Variants in LAMA2 observed in about 807,000 individuals in gnomAD.
The protein encoded by LAMA2 is laminin subunit alpha-2.
A neutral mutation model predicts 364.8 loss-of-function variants in LAMA2; 269 were observed. The ratio of observed to expected loss-of-function variants is 0.74; its 90% CI spans 0.67 to 0.82. The LOEUF is 0.82. Among genes scored for constraint, LAMA2 ranks in the 40% least tolerant of loss-of-function variants. LAMA2 has a pLI of 0.00. For missense variants in LAMA2, 3,807 were observed against 3,873.2 expected, an observed-to-expected ratio of 0.98 and a Z score of 0.45; for synonymous variants, 1,379 against 1,370.6, an observed-to-expected ratio of 1.01 and a Z score of -0.14.
intron 1 of LAMA2, among the ~76,000 whole-genome samples, chr6:129,025,512 T>C (rs971552192): frequency 6.6e-6 from 1 of 152,180 alleles, no homozygotes; most frequent in African/African-American, 2.4e-5. Context: ...GAGGCAACTT[T>C]TTCATCGATA....
In LAMA2 at chr6:129,178,964, C is replaced by T. The variant is rs564128890; in HGVS notation, c.1467+1098C>T. The stretch of plus-strand genomic sequence containing the variant: ...TTGAACTACTGAAATAATAAAACTC[C>T]TGTGGACACAGTAAGCAGAAAAGTC... On this transcript the variant is annotated intron_variant, in intron 10 of 64. Coordinates refer to ENST00000421865, the MANE Select transcript of LAMA2 (RefSeq NM_000426.4). Among the ~76,000 whole-genome samples the T allele has an allele frequency of 6.6e-5, 10 of 152,256 alleles. No homozygotes were observed. The East Asian group carries it at 1.9e-3, about 29-fold the overall frequency.
At chr6:129,091,730 A>G (rs557503526) in intron 3 of LAMA2, among the ~76,000 whole-genome samples, 2 of 152,342 alleles carry the variant, frequency 1.3e-5, no homozygotes, top group Admixed American at 1.3e-4. Context: ...TTCTAGGTTT[A>G]TTGAAGTAAA....
In LAMA2 at chr6:129,327,404, G is replaced by GA. The variant is rs4053204; in HGVS notation, c.4177-863dup. On this transcript the variant is annotated intron_variant, in intron 28 of 64. Transcript: ENST00000421865. Reference sequence around the variant, plus strand: ...ATCAATGGGCATAAGATTTTTAAGTGAAAAAAAAAAATTCTACTTAACCAA... The same window carrying GA: ...ATCAATGGGCATAAGATTTTTAAGTGAAAAAAAAAAAATTCTACTTAACCAA... 3.2e-3 allele frequency among the ~76,000 whole-genome samples: 476 copies of GA among 148,388 alleles called. 2 individuals are homozygous for GA. The highest frequency in any genetic ancestry group is 0.011 in the African/African-American group (429 of 40,290).
At chr6:129,037,587 C>T (rs1476794254) in intron 1 of LAMA2, among the ~76,000 whole-genome samples, 1 of 152,030 alleles carries the variant, frequency 6.6e-6, no homozygotes, top group Non-Finnish European at 1.5e-5. Flanking sequence ...ATTGGTATCT[C>T]CGCATGTTAG....
chr6:129,272,496 T>C (rs1788007610), intron 17 of LAMA2, among the ~76,000 whole-genome samples: 1 of 152,178 alleles, frequency 6.6e-6, no homozygotes, highest in African/African-American at 2.4e-5. Flanking sequence ...GTATCAGAGT[T>C]GGAATTTTAG....
At chr6:129,251,078 ATAT>A (rs1786197845) in intron 13 of LAMA2, among the ~76,000 whole-genome samples, 1 of 36,186 alleles carries the variant, frequency 2.8e-5, no homozygotes, top group Admixed American at 3.9e-4. Flanking sequence ...CTCTCTCTCT[ATAT>A]ATATATATAT....
At chr6:128,979,009 G>C (rs1261041145) in intron 1 of LAMA2, among the ~76,000 whole-genome samples, 5 of 152,194 alleles carry the variant, frequency 3.3e-5, no homozygotes, top group Admixed American at 6.5e-5. Flanking sequence ...ATCAGAGCAT[G>C]CAAGGATTTA....
At chr6:129,211,542 G>T (rs1282306809) in intron 12 of LAMA2, among the ~76,000 whole-genome samples, 1 of 152,176 alleles carries the variant, frequency 6.6e-6, no homozygotes, top group East Asian at 1.9e-4. Flanking sequence ...CTCCCTTGCA[G>T]CTCAGAAGGG....
At chr6:129,503,373 A>G in intron 60 of LAMA2, 93 bp downstream of exon 60, 1 of 1,148,668 alleles carries the variant, frequency 8.7e-7, no homozygotes, top group Non-Finnish European at 1.3e-6. Context: ...TTGCCAGGGC[A>G]GACACTGACT....
At position 129,315,822 on chromosome 6, in the gene LAMA2, GGTTTCTCTACATATAATCCTCAA is replaced by G. The variant is rs750220830; in HGVS notation, c.3799_3821del (p.Phe1267AspfsTer11). 31 of 1,613,988 alleles carry G rather than the reference GGTTTCTCTACATATAATCCTCAA, an allele frequency of 1.9e-5. No homozygotes were observed. The highest frequency in any genetic ancestry group is 2.5e-5 in the Non-Finnish European group (29 of 1,180,028). On this transcript the variant is annotated frameshift_variant, in exon 26 of 65. Transcript: ENST00000421865. LOFTEE classifies it high-confidence loss of function. ...CTATTTCGAGGCTCGGGAAGAAACA[GGTTTCTCTACATATAATCCTCAA>G]GTGATCATTCGAGGTGGGACACCTA...
intron 51 of LAMA2, among the ~76,000 whole-genome samples, chr6:129,472,160 C>A (rs1783844053): frequency 6.6e-6 from 1 of 151,866 alleles, no homozygotes; most frequent in African/African-American, 2.4e-5. Context: ...CTTTGTATAA[C>A]CCAGTATTTG....
At chr6:129,340,502 GA>G (rs1484256625) in intron 29 of LAMA2, among the ~76,000 whole-genome samples, 1 of 152,076 alleles carries the variant, frequency 6.6e-6, no homozygotes, top group African/African-American at 2.4e-5. Context: ...TGTTTGCCAG[GA>G]AACCAAGGGA....
chr6:129,491,278 T>A (rs1352989667), intron 56 of LAMA2, among the ~76,000 whole-genome samples: 1 of 152,282 alleles, frequency 6.6e-6, no homozygotes, highest in East Asian at 1.9e-4. Flanking sequence ...TGTAAATAAG[T>A]AGCATGAGGT....
chr6:129,424,447 A>G (rs1781227835), intron 40 of LAMA2, among the ~76,000 whole-genome samples: 1 of 151,808 alleles, frequency 6.6e-6, no homozygotes, highest in Non-Finnish European at 1.5e-5. Flanking sequence ...AAAGATAACT[A>G]CAAACTAGTA....
intron 48 of LAMA2, among the ~76,000 whole-genome samples, chr6:129,457,159 A>G (rs1783010805): frequency 6.6e-6 from 1 of 152,108 alleles, no homozygotes; most frequent in Non-Finnish European, 1.5e-5. Flanking sequence ...CTGAGTTGAG[A>G]TTAGTCAGAA....
intron 3 of LAMA2, among the ~76,000 whole-genome samples, chr6:129,063,708 A>G (rs1016945308): frequency 3.3e-5 from 5 of 152,178 alleles, no homozygotes; most frequent in African/African-American, 1.2e-4. Context: ...TCTTACAGCT[A>G]CAGAGATCAC....
At chr6:129,465,930 G>A (rs1035923865) in intron 51 of LAMA2, among the ~76,000 whole-genome samples, 1 of 151,866 alleles carries the variant, frequency 6.6e-6, no homozygotes, top group Non-Finnish European at 1.5e-5. Flanking sequence ...AATTCTGAGT[G>A]TAGTGCTATT....
chr6:129,509,537 G>A (rs148598147), intron 62 of LAMA2, among the ~76,000 whole-genome samples: 6 of 152,216 alleles, frequency 3.9e-5, no homozygotes, highest in African/African-American at 1.4e-4. Flanking sequence ...TGTATATGGC[G>A]AGAGATAGGG....
chr6:129,495,789 T>C lies in LAMA2; in HGVS notation c.8244+3306T>C, dbSNP rs1583886186. On this transcript the variant is annotated intron_variant, in intron 58 of 64. Transcript: ENST00000421865. ...TTTTCCTTTTTTCTCAAAATAAAGA[T>C]ACTTGCCCATCTGGGAATGGAGATT... Among the ~76,000 whole-genome samples the C allele has an allele frequency of 2.0e-5, 3 of 152,346 alleles. No homozygotes were observed. In the Middle Eastern group the frequency reaches 0.01, roughly 518 times the overall value.
Sources: gnomAD v4.1 joint callset for allele counts (sites outside exome capture counted in the v4.1 genomes callset) on GRCh38, gnomAD v4.1.1 for gene constraint, MANE v1.5 for transcripts, NCBI Gene and HGNC (gene_info 2026-07-23, HGNC 2026-07-21) for gene names.